TRPC6: variants seen among roughly 807,000 people sequenced by gnomAD.
TRPC6 encodes the protein transient receptor potential cation channel subfamily C member 6.
A neutral mutation model predicts 90.7 loss-of-function variants in TRPC6; 55 were observed. The ratio of observed to expected loss-of-function variants is 0.61; its 90% confidence interval spans 0.49 to 0.76. The LOEUF is 0.76. Ranked by LOEUF, TRPC6 falls within the 30% of genes least tolerant of loss-of-function variation. TRPC6 has a pLI of 0.00. For missense variants in TRPC6, 989 were observed against 1,122.7 expected (o/e 0.88, Z 1.70); for synonymous variants, 393 against 393.0 (o/e 1.00, Z 0.00).
At chr11:101,550,857 A>T (rs1481340215) in intron 1 of TRPC6, among the ~76,000 whole-genome samples, 1 of 151,816 alleles carries the variant, frequency 6.6e-6, no homozygotes, top group Non-Finnish European at 1.5e-5. Flanking sequence ...TATGTGCTTA[A>T]CTATACATTC....
chr11:101,488,349 A>G (rs540657520), intron 4 of TRPC6, among the ~76,000 whole-genome samples: 4 of 152,368 alleles, frequency 2.6e-5, no homozygotes, highest in Non-Finnish European at 5.9e-5. Flanking sequence ...CTAAGAAAAT[A>G]GGCTATTTTT....
intron 2 of TRPC6, among the ~76,000 whole-genome samples, chr11:101,492,792 A>G (rs1005325613): frequency 3.3e-5 from 5 of 152,240 alleles, no homozygotes; most frequent in Admixed American, 3.3e-4. Flanking sequence ...ACATTTGGAA[A>G]GTTTCCAGAG....
chr11:101,487,232 T>C (rs1475781409), intron 4 of TRPC6, among the ~76,000 whole-genome samples: 2 of 152,110 alleles, frequency 1.3e-5, no homozygotes, highest in Admixed American at 6.5e-5. Flanking sequence ...ATTTAACTGG[T>C]CACAGAATGA....
intron 5 of TRPC6, among the ~76,000 whole-genome samples, chr11:101,482,639 A>T (rs1859577828): frequency 6.6e-6 from 1 of 152,204 alleles, no homozygotes; most frequent in South Asian, 2.1e-4. Flanking sequence ...GCTTGAAATC[A>T]TAGCTCGCTC....
At chr11:101,494,272 A>T (rs1236377459) in intron 2 of TRPC6, among the ~76,000 whole-genome samples, 1 of 152,148 alleles carries the variant, frequency 6.6e-6, no homozygotes, top group African/African-American at 2.4e-5. Flanking sequence ...GAGCCATGTG[A>T]CCTTTAATAT....
At chr11:101,498,066 T>C (rs780673314) in intron 2 of TRPC6, among the ~76,000 whole-genome samples, 3 of 152,210 alleles carry the variant, frequency 2.0e-5, no homozygotes, top group Non-Finnish European at 2.9e-5. Flanking sequence ...GACAAGACCA[T>C]CCCTGGTATT....
At chr11:101,520,551 G>A (rs1860634773) in intron 1 of TRPC6, among the ~76,000 whole-genome samples, 1 of 152,190 alleles carries the variant, frequency 6.6e-6, no homozygotes, top group African/African-American at 2.4e-5. Flanking sequence ...AAGAAGACAG[G>A]AAGATAAGGA....
chr11:101,512,408 A>G (rs764395643), intron 1 of TRPC6, among the ~76,000 whole-genome samples: 43 of 152,196 alleles, frequency 2.8e-4, no homozygotes, highest in Non-Finnish European at 5.4e-4. Context: ...ATCAATTGAC[A>G]TCTTGTTTGT....
intron 1 of TRPC6, among the ~76,000 whole-genome samples, chr11:101,567,034 C>T (rs1363069724): frequency 6.6e-6 from 1 of 151,544 alleles, no homozygotes; most frequent in African/African-American, 2.4e-5. Flanking sequence ...CCATTCACTC[C>T]CCTGGAAAGG....
chr11:101,522,766 T>C (rs1267912375), intron 1 of TRPC6, among the ~76,000 whole-genome samples: 3 of 152,236 alleles, frequency 2.0e-5, no homozygotes, highest in East Asian at 1.9e-4. Flanking sequence ...CACATATCTG[T>C]TGAATGCATG....
At chr11:101,490,773 C>T (rs1045937780) in intron 3 of TRPC6, among the ~76,000 whole-genome samples, 4 of 152,056 alleles carry the variant, frequency 2.6e-5, no homozygotes, top group African/African-American at 7.2e-5. Context: ...TAAAAGATAC[C>T]TCACATAATC....
At chr11:101,544,541 T>C (rs569049348) in intron 1 of TRPC6, among the ~76,000 whole-genome samples, 13 of 152,274 alleles carry the variant, frequency 8.5e-5, no homozygotes, top group Non-Finnish European at 1.8e-4. Context: ...CATGGAATAG[T>C]ATGCAGCCAT....
At position 101,518,735 on chromosome 11, in the gene TRPC6, A is replaced by C. The variant is rs1380137740; in HGVS notation, c.171-13937T>G. Among the ~76,000 whole-genome samples the C allele has an allele frequency of 2.0e-5, 3 of 152,262 alleles. No individual in the cohort carries two copies. The East Asian group carries it at 5.8e-4, about 29-fold the overall frequency. On this transcript the variant is annotated intron_variant, in intron 1 of 12. Transcript: ENST00000344327. Reference sequence around the variant, plus strand: ...ATCAGTATATCAAAGAGGTAGCTGCACTCCCATGTTTGTTGCAGCACTGCT... The same window carrying C: ...ATCAGTATATCAAAGAGGTAGCTGCCCTCCCATGTTTGTTGCAGCACTGCT...
Position 101,504,697 on chromosome 11 carries a change from C to A in TRPC6, c.272G>T (p.Arg91Leu), listed in dbSNP as rs770014593. Reference sequence around the variant, plus strand: ...CTCCTCTATAGATAGGCTTGTGGAGCGATCACTAAACATGTATGCTGGTCC... The same window carrying A: ...CTCCTCTATAGATAGGCTTGTGGAGAGATCACTAAACATGTATGCTGGTCC... ...NRGPAYMFSD[R>L]STSLSIEEER... is the part of the protein sequence containing the mutation. Residue 91 changes from arginine (R) to leucine (L), a missense_variant, in exon 2 of 13, where the codon CGC becomes CTC. By Grantham distance (102) the Arg-to-Leu change is moderately radical. Transcript: ENST00000344327. The A allele has an allele frequency of 6.3e-7, 1 of 1,594,004 alleles. No individual in the cohort carries two copies. Among genetic ancestry groups the A allele is most frequent in the Non-Finnish European group, 8.6e-7 (1 of 1,168,620 alleles).
At chr11:101,560,438 T>C (rs1052463319) in intron 1 of TRPC6, among the ~76,000 whole-genome samples, 1 of 152,152 alleles carries the variant, frequency 6.6e-6, no homozygotes, top group African/African-American at 2.4e-5. Context: ...TTACATCAGA[T>C]TTGCTTTACT....
chr11:101,465,783 A>G (rs1260595754), intron 10 of TRPC6, among the ~76,000 whole-genome samples: 1 of 151,702 alleles, frequency 6.6e-6, no homozygotes, highest in Non-Finnish European at 1.5e-5. Flanking sequence ...TCTGAAGCCT[A>G]CTCCTGTCAA....
intron 10 of TRPC6, among the ~76,000 whole-genome samples, chr11:101,456,675 C>T (rs1158459429): frequency 6.6e-6 from 1 of 152,128 alleles, no homozygotes; most frequent in East Asian, 1.9e-4. Context: ...CCCTATTGTG[C>T]CAACCAAACA....
intron 10 of TRPC6, among the ~76,000 whole-genome samples, chr11:101,461,676 C>G (rs1263891655): frequency 2.0e-5 from 3 of 152,186 alleles, no homozygotes; most frequent in African/African-American, 7.2e-5. Flanking sequence ...TCTGTCTGTA[C>G]ACCTTTCCTT....
intron 5 of TRPC6, 33 bp downstream of exon 5, chr11:101,482,916 A>G: frequency 6.2e-7 from 1 of 1,609,550 alleles, no homozygotes; most frequent in Non-Finnish European, 8.5e-7. Flanking sequence ...CTAAGACTGC[A>G]AACAGAAAAC....
Sources: gnomAD v4.1 joint callset for allele counts (sites outside exome capture counted in the v4.1 genomes callset) on GRCh38, gnomAD v4.1.1 for gene constraint, MANE v1.5 for transcripts, NCBI Gene and HGNC (gene_info 2026-07-23, HGNC 2026-07-21) for gene names.